Variants in VWA8 observed in about 807,000 individuals in gnomAD.
VWA8 encodes von Willebrand factor A domain-containing protein 8.
A neutral mutation model predicts 241.5 loss-of-function variants in VWA8; 221 were observed. The observed-to-expected ratio is 0.91, with a 90% confidence interval of 0.82 to 1.02. The LOEUF (loss-of-function observed/expected upper bound fraction) is 1.02, where lower values mean the gene tolerates loss of function less well. Ranked by LOEUF, VWA8 falls within the 50% of genes least tolerant of loss-of-function variation. VWA8 has a pLI of 0.00. For missense variants in VWA8, 2,322 were observed against 2,328.7 expected (o/e 1.00, Z 0.06); for synonymous variants, 852 against 827.1 (o/e 1.03, Z -0.52).
chr13:41,816,922 G>A (rs1168870756), intron 15 of VWA8, 147 bp from the exon 16 acceptor site: 6 of 655,332 alleles, frequency 9.2e-6, no homozygotes, highest in Non-Finnish European at 1.5e-5. Context: ...TTAACTTATG[G>A]ATAAAGTTGC....
At chr13:41,844,833 T>C (rs1593812014) in intron 12 of VWA8, among the ~76,000 whole-genome samples, 1 of 148,856 alleles carries the variant, frequency 6.7e-6, no homozygotes. Context: ...TAGGAATACA[T>C]GTAAAAAAGG....
intron 20 of VWA8, among the ~76,000 whole-genome samples, chr13:41,774,889 C>T (rs1026127206): frequency 3.3e-5 from 5 of 152,238 alleles, no homozygotes; most frequent in Admixed American, 6.5e-5. Context: ...GTTAAAAAAT[C>T]TGAAAAGGAA....
chr13:41,960,382 C>CA (rs1878553830), intron 1 of VWA8, among the ~76,000 whole-genome samples: 2 of 152,172 alleles, frequency 1.3e-5, no homozygotes, highest in Admixed American at 1.3e-4. Context: ...ACACCGTGAA[C>CA]TATGGGTTCT....
chr13:41,669,090 C>T (rs1250502646), intron 37 of VWA8, among the ~76,000 whole-genome samples: 1 of 152,120 alleles, frequency 6.6e-6, no homozygotes, highest in Non-Finnish European at 1.5e-5. Flanking sequence ...GCCTCAGCCT[C>T]CCAAGTAGCT....
At chr13:41,614,884 C>G (rs1308973429) in intron 38 of VWA8, 92 bp downstream of exon 38, 10 of 1,257,442 alleles carry the variant, frequency 8.0e-6, no homozygotes, top group Non-Finnish European at 1.1e-5. Flanking sequence ...AAGGAAAGCC[C>G]GTCTCTGAGT....
At chr13:41,669,544 T>C (rs986403137) in intron 37 of VWA8, among the ~76,000 whole-genome samples, 19 of 152,186 alleles carry the variant, frequency 1.2e-4, no homozygotes, top group African/African-American at 4.6e-4. Context: ...AAAAAACAAA[T>C]ACAAATTCAT....
intron 12 of VWA8, among the ~76,000 whole-genome samples, chr13:41,851,036 G>A (rs1045250702): frequency 9.2e-5 from 14 of 152,160 alleles, no homozygotes; most frequent in African/African-American, 3.4e-4. Flanking sequence ...AACATTTCAG[G>A]TCTACTGTCT....
chr13:41,586,560 A>AG (rs5803095), intron 42 of VWA8, among the ~76,000 whole-genome samples: 13 of 149,558 alleles, frequency 8.7e-5, no homozygotes, highest in Non-Finnish European at 1.2e-4. Context: ...TGGGAAATTC[A>AG]GGGGGGGCAG....
intron 37 of VWA8, among the ~76,000 whole-genome samples, chr13:41,627,265 T>C (rs2139671847): frequency 6.6e-6 from 1 of 152,222 alleles, no homozygotes; most frequent in South Asian, 2.1e-4. Context: ...AAAAGTGGCC[T>C]TTGAGACCCT....
At chr13:41,953,575 G>C (rs1001511044) in intron 1 of VWA8, among the ~76,000 whole-genome samples, 1 of 152,204 alleles carries the variant, frequency 6.6e-6, no homozygotes. Context: ...GGAGGCCGAG[G>C]TGGGTGGATC....
At chr13:41,681,107 A>G (rs192895326) in intron 35 of VWA8, among the ~76,000 whole-genome samples, 108 of 152,228 alleles carry the variant, frequency 7.1e-4, no homozygotes, top group African/African-American at 2.3e-3. Context: ...ATTCTCCACC[A>G]TCCCCCAGGT....
chr13:41,874,236 TG>T (rs1157256418), intron 9 of VWA8, among the ~76,000 whole-genome samples: 3 of 150,228 alleles, frequency 2.0e-5, no homozygotes, highest in Admixed American at 6.6e-5. Context: ...TCATACTGAA[TG>T]GGCAAAAACT....
At chr13:41,714,484 C>T (rs2045336437) in intron 26 of VWA8, among the ~76,000 whole-genome samples, 1 of 151,960 alleles carries the variant, frequency 6.6e-6, no homozygotes, top group Non-Finnish European at 1.5e-5. Context: ...AGGATAGAGA[C>T]AATTTCTCTG....
intron 20 of VWA8, among the ~76,000 whole-genome samples, chr13:41,762,503 A>C (rs1268912610): frequency 6.6e-6 from 1 of 152,140 alleles, no homozygotes; most frequent in Non-Finnish European, 1.5e-5. Flanking sequence ...TAGTCCCTGC[A>C]TTATGGAATA....
At chr13:41,647,422 T>C (rs1248280761) in intron 37 of VWA8, among the ~76,000 whole-genome samples, 2 of 152,216 alleles carry the variant, frequency 1.3e-5, no homozygotes, top group Non-Finnish European at 2.9e-5. Flanking sequence ...TTTTCTTAAA[T>C]ACATTAGAAT....
chr13:41,743,124 G>A (rs1193010099), intron 21 of VWA8, among the ~76,000 whole-genome samples: 2 of 152,180 alleles, frequency 1.3e-5, no homozygotes, highest in Admixed American at 6.5e-5. Context: ...TTAAGCATAC[G>A]TGGGAGAGAA....
At chr13:41,885,632 C>G (rs1874489325) in intron 8 of VWA8, among the ~76,000 whole-genome samples, 1 of 152,218 alleles carries the variant, frequency 6.6e-6, no homozygotes, top group South Asian at 2.1e-4. Flanking sequence ...CTAACTCACA[C>G]TGCAGCACAC....
chr13:41,762,979 G>T (rs1347444299), intron 20 of VWA8, among the ~76,000 whole-genome samples: 1 of 151,940 alleles, frequency 6.6e-6, no homozygotes, highest in Non-Finnish European at 1.5e-5. Flanking sequence ...ACTTATAAAA[G>T]AAGAACGGGC....
chr13:41,722,431 C>A (rs1219969128), intron 24 of VWA8, among the ~76,000 whole-genome samples: 1 of 151,830 alleles, frequency 6.6e-6, no homozygotes, highest in Non-Finnish European at 1.5e-5. Flanking sequence ...AGTAAGGTAG[C>A]AATAAGATCT....
Sources: allele counts gnomAD v4.1 joint callset (sites outside exome capture counted in the v4.1 genomes callset), GRCh38; gene constraint gnomAD v4.1.1; transcripts MANE v1.5; gene names NCBI Gene and HGNC (gene_info 2026-07-23, HGNC 2026-07-21).